Variants in CELA2A observed in about 807,000 individuals in gnomAD.
CELA2A encodes chymotrypsin like elastase 2A, also known as chymotrypsin-like elastase family member 2A.
A neutral mutation model predicts 35.3 loss-of-function variants in CELA2A; 31 were observed. The observed-to-expected ratio is 0.88, with a 90% CI of 0.66 to 1.19. The LOEUF (loss-of-function observed/expected upper bound fraction) is 1.19, where lower values mean the gene tolerates loss of function less well. Ranked by LOEUF, CELA2A falls within the 50% of genes most tolerant of loss-of-function variation. The pLI is 0.00. For missense variants in CELA2A, 330 were observed against 352.9 expected, an observed-to-expected ratio of 0.94 and a Z score of 0.52; for synonymous variants, 150 against 149.8, an observed-to-expected ratio of 1.00 and a Z score of -0.01.
Position 15,457,087 on chromosome 1 carries a change from C to G in CELA2A, c.42C>G (p.Ala14=). ...TLLLSTLVAG[A]LSCGDPTYPP... is the part of the protein sequence containing the mutation. The stretch of plus-strand genomic sequence containing the variant: ...TCAAGACCCTTTCTCTTTTCACAGC[C>G]CTCAGTTGTGGGGACCCCACTTACC... Residue 14 remains alanine (A), a splice_region_variant and synonymous_variant, in exon 2 of 8, where the codon GCC becomes GCG. Coordinates refer to ENST00000359621, the MANE Select transcript of CELA2A (RefSeq NM_033440.3). 1 of 1,614,008 alleles carries G rather than the reference C, an allele frequency of 6.2e-7. No individual in the cohort carries two copies. The highest frequency in any genetic ancestry group is 2.2e-5 in the East Asian group (1 of 44,876).
chr1:15,456,902 C>T, intron 1 of CELA2A, 109 bp downstream of exon 1: 1 of 1,425,592 alleles, frequency 7.0e-7, no homozygotes. Flanking sequence ...TGCATTCAGA[C>T]CTATAATCAT....
intron 2 of CELA2A, among the ~76,000 whole-genome samples, chr1:15,458,094 A>G (rs986124479): frequency 6.6e-6 from 1 of 152,180 alleles, no homozygotes; most frequent in African/African-American, 2.4e-5. Flanking sequence ...TTGGTTATAA[A>G]GAAATTATTT....
chr1:15,462,745 C>T lies in CELA2A; in HGVS notation c.240C>T (p.Thr80=), dbSNP rs529396199. The change falls in exon 4 of 8, where the codon ACC becomes ACT. Residue 80 remains threonine, a synonymous_variant. Transcript: ENST00000359621. The part of the protein sequence containing the change: ...TAAHCISSSR[T]YRVGLGRHNL... ...CCCTTTCTCCCAGCTCCTCCAGGAC[C>T]TACCGCGTGGGGCTGGGCCGGCACA... 5.0e-6 allele frequency: 8 copies of T among 1,614,052 alleles called. No homozygotes were observed. The South Asian group carries it at 8.8e-5, about 18-fold the overall frequency.
At chr1:15,462,609 G>A in intron 3 of CELA2A, 124 bp from the exon 4 acceptor site, 3 of 1,174,724 alleles carry the variant, frequency 2.6e-6, no homozygotes, top group Non-Finnish European at 2.4e-6. Flanking sequence ...TGTCCCAGGG[G>A]AGGAAAGATC....
intron 5 of CELA2A, 82 bp from the exon 6 acceptor site, chr1:15,465,916 AG>A: frequency 1.3e-6 from 2 of 1,507,004 alleles, no homozygotes; most frequent in Non-Finnish European, 1.8e-6. Context: ...AGACAGGAAC[AG>A]GGGAAACCTA....
chr1:15,465,289 G>A (rs72865181), intron 5 of CELA2A, among the ~76,000 whole-genome samples: 17,174 of 151,836 alleles, frequency 0.11, 1,229 homozygotes, highest in African/African-American at 0.19. Context: ...GGGATTAGAG[G>A]GTGAGCACCG....
chr1:15,471,583 T>G (rs928444038), intron 7 of CELA2A, among the ~76,000 whole-genome samples: 1 of 151,142 alleles, frequency 6.6e-6, no homozygotes, highest in African/African-American at 2.4e-5. Context: ...AAAAAAACGT[T>G]TAACAGACAC....
intron 2 of CELA2A, among the ~76,000 whole-genome samples, chr1:15,459,664 A>G (rs1179158769): frequency 6.6e-6 from 1 of 152,200 alleles, no homozygotes; most frequent in Non-Finnish European, 1.5e-5. Context: ...GCACAAAAGT[A>G]TTCTTGCCTT....
intron 5 of CELA2A, among the ~76,000 whole-genome samples, chr1:15,464,097 C>T (rs184876622): frequency 3.9e-5 from 6 of 152,132 alleles, no homozygotes; most frequent in East Asian, 3.9e-4. Context: ...AGAGTTGTCA[C>T]GAGGATTAAA....
chr1:15,461,721 G>A, intron 3 of CELA2A, 63 bp downstream of exon 3: 13 of 1,588,908 alleles, frequency 8.2e-6, no homozygotes, highest in Non-Finnish European at 9.5e-6. Context: ...TGAGCTGGGG[G>A]CTCAAATGGC....
chr1:15,462,073 G>A (rs1347292446), intron 3 of CELA2A: 1 of 478,474 alleles, frequency 2.1e-6, no homozygotes, highest in Admixed American at 2.3e-5. Context: ...CTGGCACTTA[G>A]TAAGTGCTCA....
At chr1:15,469,747 A>G (rs1039668435) in intron 7 of CELA2A, among the ~76,000 whole-genome samples, 1 of 152,188 alleles carries the variant, frequency 6.6e-6, no homozygotes, top group Non-Finnish European at 1.5e-5. Flanking sequence ...GGAAAAACCC[A>G]TCTGAGTCCA....
At chr1:15,461,957 C>T (rs1708441111) in intron 3 of CELA2A, 10 of 603,612 alleles carry the variant, frequency 1.7e-5, no homozygotes, top group South Asian at 1.4e-4. Context: ...GAATTGGGTT[C>T]CCTTGAACAA....
At chr1:15,461,793 G>A (rs1708438942) in intron 3 of CELA2A, 135 bp downstream of exon 3, 1 of 994,520 alleles carries the variant, frequency 1.0e-6, no homozygotes, top group South Asian at 1.4e-5. Context: ...GACACAAGCT[G>A]TAGTCAATCA....
chr1:15,456,791 G>C lies in CELA2A; in HGVS notation c.38G>C (p.Gly13Ala). 1.2e-6 allele frequency: 2 copies of C among 1,614,206 alleles called. No individual in the cohort carries two copies. Among genetic ancestry groups the C allele is most frequent in the Non-Finnish European group, 1.7e-6 (2 of 1,180,042 alleles). Residue 13 changes from glycine to alanine, a missense_variant and splice_region_variant, in exon 1 of 8, where the codon GGA becomes GCA. Gly to Ala is a moderately conservative substitution (Grantham distance 60, BLOSUM62 0). Coordinates refer to ENST00000359621, the MANE Select transcript of CELA2A (RefSeq NM_033440.3). ...RTLLLSTLVA[G>A]ALSCGDPTYP... Reference sequence around the variant, plus strand: ...CTGCTGCTGTCCACTTTGGTGGCTGGAGGTAAGTCCTGTTACCCAGAGGCA... The same window carrying C: ...CTGCTGCTGTCCACTTTGGTGGCTGCAGGTAAGTCCTGTTACCCAGAGGCA...
intron 7 of CELA2A, among the ~76,000 whole-genome samples, chr1:15,469,481 T>G (rs1350229282): frequency 1.3e-5 from 2 of 152,162 alleles, no homozygotes; most frequent in Non-Finnish European, 2.9e-5. Flanking sequence ...CTGACACTTA[T>G]AAAACCAAAT....
intron 2 of CELA2A, 157 bp downstream of exon 2, chr1:15,457,331 G>C (rs1708376001): frequency 1.4e-6 from 1 of 709,872 alleles, no homozygotes; most frequent in Non-Finnish European, 2.4e-6. Context: ...TATATTTCCG[G>C]CTGGGCGCAG....
At chr1:15,457,050 C>CAA in intron 1 of CELA2A, 36 bp from the exon 2 acceptor site, 1 of 1,589,634 alleles carries the variant, frequency 6.3e-7, no homozygotes, top group Non-Finnish European at 8.6e-7. Context: ...GTGTGGGTCG[C>CAA]TGCTTCCTGA....
chr1:15,462,850 A>G lies in CELA2A; in HGVS notation c.345A>G (p.Gln115=), dbSNP rs1181358068. 23 of 1,614,076 alleles carry G rather than the reference A, an allele frequency of 1.4e-5. No individual in the cohort carries two copies. In the East Asian group the frequency reaches 4.5e-4, roughly 31 times the overall value. ...TGCACAAGGACTGGAACTCCAACCA[A>G]ATCTCCAAAGGGTTCGTTTCTGTCT... ...IVVHKDWNSN[Q]ISKGNDIALL... Residue 115 remains glutamine (Q), a synonymous_variant, in exon 4 of 8, where the codon CAA becomes CAG. Coordinates refer to ENST00000359621, the MANE Select transcript of CELA2A (RefSeq NM_033440.3).
Sources: allele counts gnomAD v4.1 joint callset (sites outside exome capture counted in the v4.1 genomes callset), GRCh38; gene constraint gnomAD v4.1.1; transcripts MANE v1.5; gene names NCBI Gene and HGNC (gene_info 2026-07-23, HGNC 2026-07-21).